Variants in KCNJ15 observed in about 807,000 individuals in gnomAD.
KCNJ15 encodes the protein potassium inwardly rectifying channel subfamily J member 15.
A neutral mutation model predicts 23.0 loss-of-function variants in KCNJ15; 14 were observed. The ratio of observed to expected loss-of-function variants is 0.61; its 90% CI spans 0.40 to 0.95. The LOEUF (loss-of-function observed/expected upper bound fraction) is 0.95, where lower values mean the gene tolerates loss of function less well. Ranked by LOEUF, KCNJ15 falls within the 40% of genes least tolerant of loss-of-function variation. KCNJ15 has a pLI of 0.00. For synonymous variants in KCNJ15, 185 were observed against 183.2 expected (o/e 1.01, Z -0.08); for missense variants, 388 against 461.8 (o/e 0.84, Z 1.46).
At chr21:38,244,570 G>T (rs1321655266) in intron 1 of KCNJ15, among the ~76,000 whole-genome samples, 1 of 152,182 alleles carries the variant, frequency 6.6e-6, no homozygotes, top group East Asian at 1.9e-4. Context: ...ATCTCTGGGA[G>T]AGCTATTGAA....
In KCNJ15 at chr21:38,301,964, ACG is replaced by A. The variant is rs1383175303; in HGVS notation, c.*1577_*1578del. 12 of 157,156 alleles carry A rather than the reference ACG, an allele frequency of 7.6e-5. No homozygotes were observed. The highest frequency in any genetic ancestry group is 2.7e-4 in the African/African-American group (11 of 40,572). The allele number at this position is 157,156 out of a possible 1,614,324, so 9.7% of individuals were successfully genotyped here. On this transcript the variant is annotated 3_prime_UTR_variant, in exon 3 of 3. Coordinates refer to ENST00000398938, the MANE Select transcript of KCNJ15 (RefSeq NM_170736.3). ...CCACCAAGCACACACACAGTCACACACGCACACACACACACATGCACACACGC... is the reference window on the plus strand; with the variant it reads ...CCACCAAGCACACACACAGTCACACACACACACACACACATGCACACACGC...
intron 1 of KCNJ15, among the ~76,000 whole-genome samples, chr21:38,283,186 T>G (rs1489585832): frequency 6.6e-6 from 1 of 152,238 alleles, no homozygotes; most frequent in Non-Finnish European, 1.5e-5. Context: ...GCCACAACAC[T>G]GTGTGGAAAG....
At chr21:38,264,404 C>T (rs1175995336) in intron 1 of KCNJ15, among the ~76,000 whole-genome samples, 1 of 152,198 alleles carries the variant, frequency 6.6e-6, no homozygotes, top group Admixed American at 6.5e-5. Flanking sequence ...AGCTGGTTCG[C>T]CCTGCTTGGC....
At chr21:38,251,772 C>G (rs1601144681), upstream of KCNJ15, among the ~76,000 whole-genome samples, 1 of 152,180 alleles carries the variant, frequency 6.6e-6, no homozygotes, top group Non-Finnish European at 1.5e-5. Context: ...GGATGTGGGA[C>G]TTTAAGTGTT....
At chr21:38,253,943 C>T (rs1980015792), upstream of KCNJ15, among the ~76,000 whole-genome samples, 1 of 152,056 alleles carries the variant, frequency 6.6e-6, no homozygotes, top group African/African-American at 2.4e-5. Context: ...TTATCTTCGG[C>T]TAAAAGGTCA....
At chr21:38,293,986 A>G (rs188292692) in intron 1 of KCNJ15, among the ~76,000 whole-genome samples, 3 of 152,110 alleles carry the variant, frequency 2.0e-5, no homozygotes, top group East Asian at 3.9e-4. Flanking sequence ...AAATGGCCCA[A>G]GGCCAAGGCC....
intron 1 of KCNJ15, among the ~76,000 whole-genome samples, chr21:38,277,301 C>T (rs1982821453): frequency 1.3e-5 from 2 of 152,112 alleles, no homozygotes; most frequent in South Asian, 4.1e-4. Flanking sequence ...CCTTGGACCT[C>T]TTAAAGATGT....
At chr21:38,236,697 T>A (rs1978627775) in intron 1 of KCNJ15, among the ~76,000 whole-genome samples, 1 of 152,204 alleles carries the variant, frequency 6.6e-6, no homozygotes, top group African/African-American at 2.4e-5. Context: ...TCACCCAAAA[T>A]GAGGTTAGCC....
At chr21:38,243,346 G>A (rs1568982360) in intron 1 of KCNJ15, among the ~76,000 whole-genome samples, 1 of 152,102 alleles carries the variant, frequency 6.6e-6, no homozygotes, top group Non-Finnish European at 1.5e-5. Context: ...TGTTTCAAAA[G>A]GTGTATTTTA....
intron 1 of KCNJ15, among the ~76,000 whole-genome samples, chr21:38,259,768 C>A (rs565291408): frequency 6.6e-6 from 1 of 152,222 alleles, no homozygotes; most frequent in African/African-American, 2.4e-5. Context: ...GGATCTAGAA[C>A]AAAGTGAACC....
intron 1 of KCNJ15, among the ~76,000 whole-genome samples, chr21:38,248,494 G>T (rs1002710520): frequency 3.1e-4 from 47 of 151,660 alleles, no homozygotes; most frequent in Non-Finnish European, 1.0e-4. Flanking sequence ...GACAATAAAA[G>T]AACTAGAATA....
At position 38,236,842 on chromosome 21, in the gene KCNJ15, A is replaced by G. The variant is rs528907533; in HGVS notation, c.-398-20204A>G. On this transcript the variant is annotated intron_variant, in intron 1 of 4. Transcript: ENST00000547341. ...ACTGATTTCTGCTCCTGAAGTCATAAAAGATTATTCAATCATAAGCCTTAT... is the reference window on the plus strand; with the variant it reads ...ACTGATTTCTGCTCCTGAAGTCATAGAAGATTATTCAATCATAAGCCTTAT... Among the ~76,000 whole-genome samples the G allele has an allele frequency of 1.2e-4, 18 of 152,328 alleles. 1 individual carries two copies. In the South Asian group the frequency reaches 3.7e-3, roughly 32 times the overall value.
intron 1 of KCNJ15, among the ~76,000 whole-genome samples, chr21:38,283,410 G>T (rs1002194295): frequency 7.9e-5 from 12 of 152,158 alleles, no homozygotes; most frequent in African/African-American, 2.9e-4. Flanking sequence ...CCTAGAGAGA[G>T]AAACAGAGAG....
chr21:38,277,578 C>T (rs1048911518), intron 1 of KCNJ15, among the ~76,000 whole-genome samples: 3 of 152,028 alleles, frequency 2.0e-5, no homozygotes, highest in Admixed American at 6.5e-5. Flanking sequence ...TTGGAGGATA[C>T]GGGTGATTCA....
intron 1 of KCNJ15, among the ~76,000 whole-genome samples, chr21:38,274,845 G>A (rs1403094935): frequency 1.3e-5 from 2 of 152,118 alleles, no homozygotes; most frequent in Non-Finnish European, 2.9e-5. Flanking sequence ...AATACAGGCA[G>A]CCTCTAAGAT....
At chr21:38,260,935 CAGA>C (rs1980821631) in intron 1 of KCNJ15, among the ~76,000 whole-genome samples, 1 of 152,202 alleles carries the variant, frequency 6.6e-6, no homozygotes, top group African/African-American at 2.4e-5. Flanking sequence ...CCAGAAGTCA[CAGA>C]GGCTGTGTAG....
intron 1 of KCNJ15, among the ~76,000 whole-genome samples, chr21:38,269,215 A>C (rs1048757221): frequency 1.2e-4 from 19 of 152,206 alleles, no homozygotes; most frequent in African/African-American, 3.9e-4. Context: ...CCCTTTTCAT[A>C]CGTTCTTTTT....
chr21:38,249,436 C>A (rs1265344872), intron 1 of KCNJ15, among the ~76,000 whole-genome samples: 1 of 152,172 alleles, frequency 6.6e-6, no homozygotes, highest in Admixed American at 6.5e-5. Flanking sequence ...CATAACTCAA[C>A]TATCACTCTG....
At chr21:38,264,214 G>T (rs1981223937) in intron 1 of KCNJ15, among the ~76,000 whole-genome samples, 1 of 152,152 alleles carries the variant, frequency 6.6e-6, no homozygotes, top group Admixed American at 6.6e-5. Flanking sequence ...TTCCTCTGTG[G>T]ATCTTTTAAA....
Sources: allele counts gnomAD v4.1 joint callset (sites outside exome capture counted in the v4.1 genomes callset), GRCh38; gene constraint gnomAD v4.1.1; transcripts MANE v1.5; gene names NCBI Gene and HGNC (gene_info 2026-07-23, HGNC 2026-07-21).